The following ARID1B variants were observed in gnomAD, a reference collection of about 807,000 sequenced individuals.
ARID1B encodes the protein AT-rich interactive domain-containing protein 1B.
A neutral mutation model predicts 212.3 loss-of-function variants in ARID1B; 30 were observed. That is an observed-to-expected ratio of 0.14 (90% CI 0.11 to 0.19). ARID1B has a LOEUF of 0.19. ARID1B is among the 10% of genes least tolerant of loss of function. The pLI is 1.00. For synonymous variants in ARID1B, 1,402 were observed against 1,301.7 expected, an observed-to-expected ratio of 1.08 and a Z score of -1.66; for missense variants, 2,891 against 3,204.0, an observed-to-expected ratio of 0.90 and a Z score of 2.36.
intron 5 of ARID1B, among the ~76,000 whole-genome samples, chr6:157,089,575 G>C (rs537285670): frequency 6.6e-6 from 1 of 152,248 alleles, no homozygotes; most frequent in African/African-American, 2.4e-5. Context: ...GCTCTCTATA[G>C]TTAGAAGGTA....
intron 3 of ARID1B, among the ~76,000 whole-genome samples, chr6:156,908,331 C>T (rs1266332115): frequency 2.0e-5 from 3 of 152,172 alleles, no homozygotes; most frequent in African/African-American, 7.2e-5. Context: ...AATTTTTCAA[C>T]TTTATTAACA....
chr6:157,181,045 T>C lies in ARID1B; in HGVS notation c.3581T>C (p.Leu1194Pro), dbSNP rs2128317028. The C allele has an allele frequency of 6.2e-7, 1 of 1,614,156 alleles. No homozygotes were observed. Among genetic ancestry groups the C allele is most frequent in the Non-Finnish European group, 8.5e-7 (1 of 1,180,026 alleles). Residue 1194 changes from leucine (L) to proline (P), a missense_variant, in exon 12 of 20, where the codon CTC becomes CCC. Leu to Pro is a moderately conservative substitution (Grantham distance 98, BLOSUM62 -3). Coordinates refer to ENST00000636930, the MANE Select transcript of ARID1B (RefSeq NM_001374828.1). ...CTGGGGAATGAGCCAGAGAGAAAGC[T>C]CTGGGTCGACCGATACCTCACCTTC... ...YELGNEPERKLWVDRYLTFME... is the reference protein window; with the variant it reads ...YELGNEPERKPWVDRYLTFME...
chr6:156,812,428 A>G (rs1195726244), intron 1 of ARID1B, among the ~76,000 whole-genome samples: 1 of 151,772 alleles, frequency 6.6e-6, no homozygotes, highest in Non-Finnish European at 1.5e-5. Context: ...TCTCCCCTGA[A>G]CTCATAGGAC....
intron 1 of ARID1B, among the ~76,000 whole-genome samples, chr6:156,808,808 G>C (rs372792678): frequency 1.3e-5 from 2 of 152,234 alleles, no homozygotes; most frequent in East Asian, 3.9e-4. Flanking sequence ...TTGATGAAAG[G>C]AGAGAAACTT....
At chr6:156,957,375 T>A (rs542238245) in intron 4 of ARID1B, among the ~76,000 whole-genome samples, 1 of 152,292 alleles carries the variant, frequency 6.6e-6, no homozygotes, top group Non-Finnish European at 1.5e-5. Flanking sequence ...TACTCACCAG[T>A]ACCAGGGTCA....
intron 3 of ARID1B, among the ~76,000 whole-genome samples, chr6:156,924,247 A>G (rs542556462): frequency 2.6e-5 from 4 of 152,246 alleles, no homozygotes; most frequent in Non-Finnish European, 4.4e-5. Context: ...AACTCTGTGC[A>G]TACTATGCAC....
intron 1 of ARID1B, among the ~76,000 whole-genome samples, chr6:156,828,880 T>A (rs1192277577): frequency 2.0e-5 from 3 of 152,196 alleles, no homozygotes; most frequent in Non-Finnish European, 4.4e-5. Flanking sequence ...ACTAGTAAGC[T>A]AAAAGGAGGT....
intron 1 of ARID1B, among the ~76,000 whole-genome samples, chr6:156,799,353 T>A (rs899996878): frequency 6.6e-6 from 1 of 152,216 alleles, no homozygotes; most frequent in African/African-American, 2.4e-5. Context: ...TGCCTTTTCA[T>A]ATATGCTGTA....
intron 6 of ARID1B, among the ~76,000 whole-genome samples, chr6:157,127,783 C>CAAAAAA (rs61172896): frequency 1.8e-4 from 10 of 56,780 alleles, no homozygotes; most frequent in African/African-American, 3.8e-4. Context: ...GACTCTGTCT[C>CAAAAAA]AAAAAAAAAA....
chr6:156,994,576 T>TA (rs948432454), intron 4 of ARID1B, among the ~76,000 whole-genome samples: 33 of 146,052 alleles, frequency 2.3e-4, no homozygotes, highest in Middle Eastern at 3.5e-3. Flanking sequence ...AGAGGCAGCT[T>TA]AAAAAAAAAA....
intron 1 of ARID1B, among the ~76,000 whole-genome samples, chr6:156,796,216 G>C (rs536171810): frequency 1.3e-5 from 2 of 151,992 alleles, no homozygotes; most frequent in Non-Finnish European, 2.9e-5. Flanking sequence ...ATTGTTTATG[G>C]TAATGTATCA....
chr6:156,998,515 G>A lies in ARID1B; in HGVS notation c.2247+62939G>A, dbSNP rs375125930. Reference sequence around the variant, plus strand: ...TGGGATTACAGGCGTGAGCCACCGCGCCTGGCTCTTGTTCTCTTTTGAAAG... The same window carrying A: ...TGGGATTACAGGCGTGAGCCACCGCACCTGGCTCTTGTTCTCTTTTGAAAG... On this transcript the variant is annotated intron_variant, in intron 4 of 19. Transcript: ENST00000636930. Among the ~76,000 whole-genome samples, 73 of 152,244 alleles carry A rather than the reference G, an allele frequency of 4.8e-4. No individual in the cohort carries two copies. The South Asian group carries it at 0.013, about 27-fold the overall frequency.
intron 2 of ARID1B, among the ~76,000 whole-genome samples, chr6:156,899,767 T>C (rs1399229792): frequency 1.3e-5 from 2 of 152,124 alleles, no homozygotes; most frequent in Non-Finnish European, 2.9e-5. Flanking sequence ...CACTTCCATA[T>C]TGTGTGTGAG....
At chr6:156,850,193 A>C (rs1784490765) in intron 2 of ARID1B, among the ~76,000 whole-genome samples, 1 of 151,920 alleles carries the variant, frequency 6.6e-6, no homozygotes, top group Non-Finnish European at 1.5e-5. Flanking sequence ...TTATCACTTC[A>C]TTTCTGAAAA....
intron 2 of ARID1B, among the ~76,000 whole-genome samples, chr6:156,838,511 C>T (rs973938396): frequency 1.3e-5 from 2 of 152,032 alleles, no homozygotes; most frequent in Non-Finnish European, 2.9e-5. Flanking sequence ...ATAGCGAGAG[C>T]GTACCTGAAA....
In ARID1B at chr6:157,085,895, G is replaced by A. The variant is rs138438539; in HGVS notation, c.2491+990G>A. Among the ~76,000 whole-genome samples, 831 of 152,086 alleles carry A rather than the reference G, an allele frequency of 5.5e-3. 12 individuals carry two copies. Among genetic ancestry groups the A allele is most frequent in the African/African-American group, 0.019 (775 of 41,472 alleles). ...CCTGTATATTTCTTCCTTATCCCAAGCTCTATACCTCTTCCTCACTTCAAA... is the reference window on the plus strand; with the variant it reads ...CCTGTATATTTCTTCCTTATCCCAAACTCTATACCTCTTCCTCACTTCAAA... On this transcript the variant is annotated intron_variant, in intron 5 of 19. Coordinates refer to ENST00000636930, the MANE Select transcript of ARID1B (RefSeq NM_001374828.1).
chr6:156,913,132 C>G (rs1790036189), intron 3 of ARID1B, among the ~76,000 whole-genome samples: 3 of 150,462 alleles, frequency 2.0e-5, no homozygotes, highest in African/African-American at 7.3e-5. Flanking sequence ...GTGAGTACAT[C>G]TAGCTAATTA....
At chr6:156,909,713 G>T (rs530298006) in intron 3 of ARID1B, among the ~76,000 whole-genome samples, 75 of 152,188 alleles carry the variant, frequency 4.9e-4, no homozygotes, top group Middle Eastern at 3.2e-3. Flanking sequence ...TTCTCTTGAT[G>T]TGGCTTAACT....
chr6:157,004,506 A>T (rs760460666), intron 4 of ARID1B, among the ~76,000 whole-genome samples: 13 of 152,234 alleles, frequency 8.5e-5, no homozygotes, highest in Non-Finnish European at 1.9e-4. Context: ...CTCGAAGAAC[A>T]CTGGGGCCAT....
Sources: allele counts gnomAD v4.1 joint callset (sites outside exome capture counted in the v4.1 genomes callset), GRCh38; gene constraint gnomAD v4.1.1; transcripts MANE v1.5; gene names NCBI Gene and HGNC (gene_info 2026-07-23, HGNC 2026-07-21).